POGZ: variants seen among roughly 807,000 people sequenced by gnomAD.
The protein encoded by POGZ is pogo transposable element derived with ZNF domain, also known as pogo transposable element with ZNF domain.
In POGZ, 17 loss-of-function variants were observed where a neutral mutation model predicts 134.6. That is an observed-to-expected ratio of 0.13 (90% CI 0.09 to 0.19). The LOEUF (loss-of-function observed/expected upper bound fraction) is 0.19, where lower values mean the gene tolerates loss of function less well. Ranked by LOEUF, POGZ falls within the 10% of genes least tolerant of loss-of-function variation. POGZ has a pLI of 1.00. For synonymous variants in POGZ, 693 were observed against 657.1 expected (o/e 1.05, Z -0.84); for missense variants, 1,306 against 1,769.7 (o/e 0.74, Z 4.70).
chr1:151,444,625 G>C (rs1190350605), intron 1 of POGZ, among the ~76,000 whole-genome samples: 1 of 152,180 alleles, frequency 6.6e-6, no homozygotes, highest in Non-Finnish European at 1.5e-5. Flanking sequence ...AATATGAAGA[G>C]CTATCAGAAT....
Position 151,404,964 on chromosome 1 carries a change from C to T in POGZ, c.4071G>A (p.Leu1357=), listed in dbSNP as rs1232325375. The T allele has an allele frequency of 6.2e-6, 10 of 1,614,192 alleles. No homozygotes were observed. In the East Asian group the frequency reaches 2.2e-4, roughly 36 times the overall value. The part of the protein sequence containing the change: ...EELIASLEEQ[L]KLSGEHSESS... ...ACTCAGAATGTTCCCCACTCAGCTT[C>T]AGTTGCTCCTCTAGGGAGGCAATTA... Residue 1357 remains leucine (L), a synonymous_variant, in exon 19 of 19, where the codon CTG becomes CTA. Coordinates refer to ENST00000271715, the MANE Select transcript of POGZ (RefSeq NM_015100.4).
chr1:151,423,734 GA>G (rs1260249472), intron 9 of POGZ, among the ~76,000 whole-genome samples, 183 bp from the exon 10 acceptor site: 1 of 152,110 alleles, frequency 6.6e-6, no homozygotes, highest in African/African-American at 2.4e-5. Flanking sequence ...AGAGTTCTGG[GA>G]AAGGAGACAT....
rs201461621 is a variant in POGZ, at chr1:151,405,339, G to A, written c.3696C>T (p.Arg1232=). The part of the protein sequence containing the change: ...SKGMLVMDCH[R]THLSEEVLAM... ...CCAGTACCTCTTCTGACAAGTGAGT[G>A]CGATGACAGTCCATCACAAGCATGC... The change falls in exon 19 of 19, where the codon CGC becomes CGT. Residue 1232 remains arginine (R), a synonymous_variant. Coordinates refer to ENST00000271715, the MANE Select transcript of POGZ (RefSeq NM_015100.4). This position sits in a 1 kb window ranked among gnomAD's most constrained non-coding sequence, Gnocchi z 4.9. The A allele has an allele frequency of 7.5e-5, 121 of 1,614,064 alleles. No individual in the cohort carries two copies. Among genetic ancestry groups the A allele is most frequent in the Non-Finnish European group, 9.6e-5 (113 of 1,180,026 alleles).
chr1:151,423,488 G>A lies in POGZ; in HGVS notation c.1587C>T (p.His529=), dbSNP rs1289278695. 2 of 1,612,986 alleles carry A rather than the reference G, an allele frequency of 1.2e-6. No homozygotes were observed. Among genetic ancestry groups the A allele is most frequent in the Non-Finnish European group, 8.5e-7 (1 of 1,178,918 alleles). The change falls in exon 10 of 19, where the codon CAC becomes CAT. Residue 529 remains histidine (H), a synonymous_variant. Transcript: ENST00000271715. Reference sequence around the variant, plus strand: ...GGCGGTAACAGTGCTGGCAGATAGTGTGACCATCTACCTCACCGTTCTGCT... The same window carrying A: ...GGCGGTAACAGTGCTGGCAGATAGTATGACCATCTACCTCACCGTTCTGCT... ...LDQQNGEVDG[H]TICQHCYRQF...
At chr1:151,411,121 A>C (rs1027246040) in intron 12 of POGZ, among the ~76,000 whole-genome samples, 2 of 152,176 alleles carry the variant, frequency 1.3e-5, no homozygotes, top group East Asian at 3.8e-4. Flanking sequence ...AAACCCCTTT[A>C]GTGGCTTCCC....
chr1:151,459,419 T>C lies in POGZ; in HGVS notation c.-269A>G, dbSNP rs1157580810. The stretch of plus-strand genomic sequence containing the variant: ...GGGTGGGGGGGCCAAGGAATGCGGC[T>C]CCGTGTACGGGAGCTGGCGCGGGGG... On this transcript the variant is annotated 5_prime_UTR_variant, in exon 1 of 19. Coordinates refer to ENST00000271715, the MANE Select transcript of POGZ (RefSeq NM_015100.4). 1.3e-5 allele frequency: 2 copies of C among 150,362 alleles called. No individual in the cohort carries two copies. Among genetic ancestry groups the C allele is most frequent in the Non-Finnish European group, 3.0e-5 (2 of 67,628 alleles). The allele number at this position is 150,362 out of a possible 1,614,324, so 9.3% of individuals were successfully genotyped here.
intron 9 of POGZ, 144 bp downstream of exon 9, chr1:151,423,805 T>C (rs1261618886): frequency 1.3e-5 from 9 of 685,244 alleles, no homozygotes; most frequent in Admixed American, 8.8e-5. Context: ...TCTCCTTCTA[T>C]AGTCCTAGTT....
chr1:151,426,260 C>G (rs554421733), intron 7 of POGZ: 1 of 151,582 alleles, frequency 6.6e-6, no homozygotes, highest in Non-Finnish European at 1.5e-5. Context: ...AATCTCGACT[C>G]ACCACAACCT....
intron 4 of POGZ, 122 bp downstream of exon 4, chr1:151,430,544 G>T (rs1658517852): frequency 1.5e-6 from 1 of 685,682 alleles, no homozygotes; most frequent in East Asian, 2.9e-5. Context: ...AAAAGAGAAA[G>T]CCAGGTCAAA....
At chr1:151,439,739 C>T (rs377126948) in intron 3 of POGZ, among the ~76,000 whole-genome samples, 5 of 152,306 alleles carry the variant, frequency 3.3e-5, no homozygotes, top group Middle Eastern at 6.8e-3. Flanking sequence ...ACTGACACAA[C>T]ATTTCTAGAT....
At position 151,423,969 on chromosome 1, in the gene POGZ, T is replaced by C. The variant is rs564711432; in HGVS notation, c.1503A>G (p.Lys501=). Residue 501 remains lysine, a synonymous_variant, in exon 9 of 19, where the codon AAA becomes AAG. Transcript: ENST00000271715. ...ATSFRCPHCT[K]RLKNNIRFMN... ...CTTACCGAATATTGTTTTTTAGCCT[T>C]TTGGTACAATGTGGGCATCGGAAAG... 6.2e-7 allele frequency: 1 copy of C among 1,613,948 alleles called. No homozygotes were observed. The highest frequency in any genetic ancestry group is 1.1e-5 in the South Asian group (1 of 91,066).
chr1:151,410,299 T>A (rs1361347250), intron 12 of POGZ, among the ~76,000 whole-genome samples: 1 of 152,236 alleles, frequency 6.6e-6, no homozygotes, highest in Admixed American at 6.5e-5. Flanking sequence ...ATACATCGTC[T>A]TCATTTCCTT....
At chr1:151,434,379 T>G (rs1571492867) in intron 3 of POGZ, among the ~76,000 whole-genome samples, 1 of 151,620 alleles carries the variant, frequency 6.6e-6, no homozygotes, top group South Asian at 2.1e-4. Flanking sequence ...GGGGCCGAGG[T>G]GGGAGGATCG....
At position 151,412,371 on chromosome 1, in the gene POGZ, C is replaced by T. The variant is rs1339921709; in HGVS notation, c.1704G>A (p.Ala568=). The T allele has an allele frequency of 1.6e-5, 25 of 1,606,766 alleles. No individual in the cohort carries two copies. The highest frequency in any genetic ancestry group is 3.3e-5 in the Admixed American group (2 of 59,800). The change falls in exon 11 of 19, where the codon GCG becomes GCA. Residue 568 remains alanine (A), a synonymous_variant. Transcript: ENST00000271715. The part of the protein sequence containing the change: ...STTKCKICEW[A]FESEPLFLQH... ...GGAGAAATAGTGGCTCACTTTCAAA[C>T]GCCCATTCACAGATCTTGCACTTGG...
intron 18 of POGZ, 54 bp from the exon 19 acceptor site, chr1:151,406,518 T>C (rs940726472): frequency 7.5e-5 from 117 of 1,551,970 alleles, no homozygotes; most frequent in Non-Finnish European, 9.3e-5. Context: ...AACTAGGAAA[T>C]TGAAACAATA....
intron 10 of POGZ, among the ~76,000 whole-genome samples, chr1:151,420,550 A>AT (rs1335936603): frequency 6.6e-6 from 1 of 152,056 alleles, no homozygotes; most frequent in Non-Finnish European, 1.5e-5. Flanking sequence ...CCTAAGCTCA[A>AT]TCTGCCTGCC....
At chr1:151,410,607 T>C (rs554060122) in intron 12 of POGZ, among the ~76,000 whole-genome samples, 89 of 152,312 alleles carry the variant, frequency 5.8e-4, no homozygotes, top group African/African-American at 2.0e-3. Flanking sequence ...GGGGGGCCCA[T>C]GGTATTTAAG....
chr1:151,404,742 C>T lies in POGZ; in HGVS notation c.*60G>A. 1 of 1,514,104 alleles carries T rather than the reference C, an allele frequency of 6.6e-7. No individual in the cohort carries two copies. Among genetic ancestry groups the T allele is most frequent in the Non-Finnish European group, 8.8e-7 (1 of 1,133,512 alleles). The allele number at this position is 1,514,104 out of a possible 1,614,324, so 93.8% of individuals were successfully genotyped here. On this transcript the variant is annotated 3_prime_UTR_variant, in exon 19 of 19. Transcript: ENST00000271715. ...CTGGTATGCCCCCTTTTCCCTAAGC[C>T]CCTTTACCCTCCCTCACATGTTCCC...
intron 1 of POGZ, among the ~76,000 whole-genome samples, chr1:151,458,220 G>A (rs375440175): frequency 2.0e-5 from 3 of 152,134 alleles, no homozygotes; most frequent in South Asian, 2.1e-4. Flanking sequence ...CACGCAGAAA[G>A]ACGGAAAACA....
Sources: allele counts gnomAD v4.1 joint callset (sites outside exome capture counted in the v4.1 genomes callset), GRCh38; gene constraint gnomAD v4.1.1; non-coding constraint Gnocchi (gnomAD v3.1); transcripts MANE v1.5; gene names NCBI Gene and HGNC (gene_info 2026-07-23, HGNC 2026-07-21).